C8orf34: variants seen among roughly 807,000 people sequenced by gnomAD.
The protein encoded by C8orf34 is chromosome 8 open reading frame 34.
In C8orf34, 65 loss-of-function variants were observed where a neutral mutation model predicts 68.3. The observed-to-expected ratio is 0.95, with a 90% CI of 0.78 to 1.17. The LOEUF (loss-of-function observed/expected upper bound fraction) is 1.17, where lower values mean the gene tolerates loss of function less well. C8orf34 is among the 50% of genes most tolerant of loss of function. The probability of loss-of-function intolerance (pLI) is 0.00; values close to 1 mark genes in which losing one functional copy is unlikely to be tolerated. For synonymous variants in C8orf34, 244 were observed against 241.2 expected, an observed-to-expected ratio of 1.01 and a Z score of -0.11; for missense variants, 664 against 655.4, an observed-to-expected ratio of 1.01 and a Z score of -0.14.
At chr8:68,491,939 G>T (rs1813330855) in intron 5 of C8orf34, among the ~76,000 whole-genome samples, 1 of 152,110 alleles carries the variant, frequency 6.6e-6, no homozygotes, top group African/African-American at 2.4e-5. Flanking sequence ...ATTGGTGCCT[G>T]CCCAGTTTCC....
At chr8:68,747,935 C>G (rs1235892640) in intron 10 of C8orf34, among the ~76,000 whole-genome samples, 1 of 152,038 alleles carries the variant, frequency 6.6e-6, no homozygotes, top group Non-Finnish European at 1.5e-5. Context: ...CAAGTCAATC[C>G]TAAGCCAAAA....
At chr8:68,472,938 T>C (rs1812443453) in intron 4 of C8orf34, among the ~76,000 whole-genome samples, 2 of 152,158 alleles carry the variant, frequency 1.3e-5, no homozygotes, top group Admixed American at 1.3e-4. Flanking sequence ...GTGGCTACCA[T>C]ACTGGACATC....
chr8:68,392,003 T>C (rs1252321187), intron 1 of C8orf34, among the ~76,000 whole-genome samples: 2 of 152,102 alleles, frequency 1.3e-5, no homozygotes, highest in African/African-American at 4.8e-5. Flanking sequence ...TCATACAACT[T>C]TTCACTCCTG....
intron 3 of C8orf34, among the ~76,000 whole-genome samples, chr8:68,452,267 T>C (rs1811375966): frequency 6.6e-6 from 1 of 150,852 alleles, no homozygotes; most frequent in South Asian, 2.1e-4. Flanking sequence ...TTTATATTAC[T>C]GTGTACTTGA....
At chr8:68,470,905 A>T (rs1029085021) in intron 4 of C8orf34, among the ~76,000 whole-genome samples, 4 of 152,096 alleles carry the variant, frequency 2.6e-5, no homozygotes, top group African/African-American at 9.7e-5. Flanking sequence ...GAGTTTTGGG[A>T]GGACACCAAC....
intron 7 of C8orf34, among the ~76,000 whole-genome samples, chr8:68,536,342 G>A (rs1815469501): frequency 8.0e-6 from 1 of 125,206 alleles, no homozygotes; most frequent in Admixed American, 9.3e-5. Context: ...CTGGGTGACA[G>A]AGGGAGACCC....
chr8:68,367,986 C>T (rs1807385886), intron 1 of C8orf34, among the ~76,000 whole-genome samples: 1 of 141,656 alleles, frequency 7.1e-6, no homozygotes, highest in Admixed American at 7.1e-5. Context: ...GTAATTTCTA[C>T]TCTGCTCTGC....
At chr8:68,626,460 G>A (rs1367039337) in intron 7 of C8orf34, among the ~76,000 whole-genome samples, 2 of 152,180 alleles carry the variant, frequency 1.3e-5, no homozygotes, top group African/African-American at 4.8e-5. Flanking sequence ...ATGCAGAAAA[G>A]TTAACTGCTA....
chr8:68,561,348 A>G (rs1816419647), intron 7 of C8orf34, among the ~76,000 whole-genome samples: 2 of 147,442 alleles, frequency 1.4e-5, no homozygotes, highest in Admixed American at 1.3e-4. Context: ...ACGCAAACAC[A>G]TTATACAGCT....
chr8:68,425,848 C>G (rs992907044), intron 1 of C8orf34, among the ~76,000 whole-genome samples: 2 of 151,606 alleles, frequency 1.3e-5, no homozygotes, highest in African/African-American at 2.4e-5. Context: ...GTCAATGGAA[C>G]AAAACATAAT....
chr8:68,494,004 T>C (rs1813419122), intron 5 of C8orf34, among the ~76,000 whole-genome samples: 1 of 152,180 alleles, frequency 6.6e-6, no homozygotes. Context: ...TATGAAGCCA[T>C]CCCACTTCTA....
At position 68,515,355 on chromosome 8, in the gene C8orf34, A is replaced by G. The variant is rs145172322; in HGVS notation, c.766-6444A>G. 1.1e-4 allele frequency among the ~76,000 whole-genome samples: 17 copies of G among 150,374 alleles called. No individual in the cohort carries two copies. The East Asian group carries it at 3.1e-3, about 28-fold the overall frequency. On this transcript the variant is annotated intron_variant, in intron 5 of 13. Transcript: ENST00000518698. ...CTCTATGTAAATTACATGCTATGAG[A>G]TATAGAAGATAATTTCTCTTTTTTT...
chr8:68,408,591 G>GA (rs1428071439), intron 1 of C8orf34, among the ~76,000 whole-genome samples: 4 of 151,952 alleles, frequency 2.6e-5, no homozygotes, highest in African/African-American at 9.7e-5. Context: ...TCAGATTTCT[G>GA]GTTGTCCATT....
intron 10 of C8orf34, among the ~76,000 whole-genome samples, chr8:68,743,717 T>C (rs56662213): frequency 6.6e-6 from 1 of 152,152 alleles, no homozygotes; most frequent in Non-Finnish European, 1.5e-5. Flanking sequence ...AACCCGCACC[T>C]GGCTCGGAGG....
chr8:68,580,005 C>G (rs755207062), intron 7 of C8orf34, among the ~76,000 whole-genome samples: 1 of 152,008 alleles, frequency 6.6e-6, no homozygotes, highest in Non-Finnish European at 1.5e-5. Flanking sequence ...CTTAAAGAAA[C>G]CTAAGACAAA....
chr8:68,430,171 T>TA (rs572278878), intron 1 of C8orf34, among the ~76,000 whole-genome samples: 3 of 151,946 alleles, frequency 2.0e-5, no homozygotes, highest in Non-Finnish European at 4.4e-5. Flanking sequence ...AAACCTCCAT[T>TA]AAAAAATAAA....
chr8:68,746,915 G>T (rs1308483077), intron 10 of C8orf34, among the ~76,000 whole-genome samples: 17 of 151,998 alleles, frequency 1.1e-4, no homozygotes, highest in Non-Finnish European at 2.2e-4. Context: ...ACCAAAGCCG[G>T]ACAGAGACAC....
chr8:68,776,327 T>A (rs953254281), intron 10 of C8orf34, 72 bp from the exon 11 acceptor site: 3 of 1,155,550 alleles, frequency 2.6e-6, no homozygotes, highest in Admixed American at 1.8e-5. Context: ...CAGATCCCAC[T>A]CTCCACGATT....
chr8:68,702,196 C>T (rs1286927416), intron 8 of C8orf34, among the ~76,000 whole-genome samples: 1 of 152,106 alleles, frequency 6.6e-6, no homozygotes, highest in African/African-American at 2.4e-5. Context: ...CCTGAAACAG[C>T]TCCAGCCACC....
Sources: gnomAD v4.1 joint callset for allele counts (sites outside exome capture counted in the v4.1 genomes callset) on GRCh38, gnomAD v4.1.1 for gene constraint, MANE v1.5 for transcripts, NCBI Gene and HGNC (gene_info 2026-07-23, HGNC 2026-07-21) for gene names.